The following TRAF3 variants were observed in gnomAD, a reference collection of about 807,000 sequenced individuals.
The protein encoded by TRAF3 is TNF receptor-associated factor 3.
TRAF3 carries 13 observed loss-of-function variants against 62.3 expected under a neutral mutation model. That is an observed-to-expected ratio of 0.21 (90% CI 0.14 to 0.33). TRAF3 has a LOEUF of 0.33. TRAF3 is among the 10% of genes least tolerant of loss of function. TRAF3 has a pLI of 1.00. For synonymous variants in TRAF3, 269 were observed against 283.4 expected, an observed-to-expected ratio of 0.95 and a Z score of 0.51; for missense variants, 440 against 741.8, an observed-to-expected ratio of 0.59 and a Z score of 4.73.
Position 102,877,937 on chromosome 14 carries a change from C to G in TRAF3, c.570+1412C>G, listed in dbSNP as rs560034376. ...GCTCAATTAATATATACTTCTTCCA[C>G]TGTACAGCTTCTTAAAGACTATTCT... On this transcript the variant is annotated intron_variant, in intron 6 of 11. Transcript: ENST00000392745. 2.6e-5 allele frequency among the ~76,000 whole-genome samples: 4 copies of G among 152,368 alleles called. No homozygotes were observed. The East Asian group carries it at 5.8e-4, about 22-fold the overall frequency.
chr14:102,897,525 T>C (rs1890065429), intron 10 of TRAF3, 124 bp downstream of exon 10: 2 of 1,297,858 alleles, frequency 1.5e-6, no homozygotes, highest in Non-Finnish European at 2.2e-6. Context: ...AGGCAACTGA[T>C]TTCTCTGGCC....
intron 2 of TRAF3, among the ~76,000 whole-genome samples, chr14:102,858,154 C>CTTTTTTTTT (rs59845933): frequency 6.9e-6 from 1 of 145,580 alleles, no homozygotes. Flanking sequence ...CTCTGTTCTT[C>CTTTTTTTTT]TTTTTTTTTT....
At chr14:102,817,788 A>C (rs1341815208) in intron 1 of TRAF3, among the ~76,000 whole-genome samples, 5 of 152,234 alleles carry the variant, frequency 3.3e-5, no homozygotes, top group South Asian at 2.1e-4. Context: ...TACTTTGGTG[A>C]AAAAGTTTGA....
intron 1 of TRAF3, among the ~76,000 whole-genome samples, chr14:102,784,475 G>C: frequency 6.6e-6 from 1 of 152,116 alleles, no homozygotes; most frequent in African/African-American, 2.4e-5. Context: ...TGCCCGCCTC[G>C]GCCTCCCAAA....
chr14:102,781,459 C>A (rs1199021582), intron 1 of TRAF3, among the ~76,000 whole-genome samples: 2 of 152,078 alleles, frequency 1.3e-5, no homozygotes, highest in Admixed American at 6.5e-5. Context: ...TTTTTCATTG[C>A]AGGTTGAAAG....
chr14:102,894,320 C>T lies in TRAF3; in HGVS notation c.819+2903C>T, dbSNP rs555274772. Among the ~76,000 whole-genome samples, 48 of 151,484 alleles carry T rather than the reference C, an allele frequency of 3.2e-4. 1 individual carries two copies. Among genetic ancestry groups the T allele is most frequent in the South Asian group, 1.5e-3 (7 of 4,808 alleles). On this transcript the variant is annotated intron_variant, in intron 9 of 11. Transcript: ENST00000392745. Reference sequence around the variant, plus strand: ...CCAGCCTGGGTGACAGAGTGAGACTCGTCTCCAAAAAAAAAGACTGATCCT... The same window carrying T: ...CCAGCCTGGGTGACAGAGTGAGACTTGTCTCCAAAAAAAAAGACTGATCCT...
Position 102,826,250 on chromosome 14 carries a change from C to T in TRAF3, c.-156-4084C>T, listed in dbSNP as rs1595335561. Among the ~76,000 whole-genome samples, 2 of 152,168 alleles carry T rather than the reference C, an allele frequency of 1.3e-5. No homozygotes were observed. The highest frequency in any genetic ancestry group is 3.9e-4 in the East Asian group (2 of 5,168). On this transcript the variant is annotated intron_variant, in intron 1 of 11. Transcript: ENST00000392745. The surrounding 1 kb of genome is among the most constrained non-coding windows in gnomAD (Gnocchi z 4.6). ...CTTGAACTGACTGTGCCTCAGCATC[C>T]TCGTCTGTCTGGTGGAGCCGCCTCA...
chr14:102,792,753 C>T (rs531154075), intron 1 of TRAF3, among the ~76,000 whole-genome samples: 1 of 151,974 alleles, frequency 6.6e-6, no homozygotes, highest in Non-Finnish European at 1.5e-5. Flanking sequence ...GGTATATAAT[C>T]CTTTTAATGT....
intron 2 of TRAF3, among the ~76,000 whole-genome samples, chr14:102,837,011 T>C (rs1009439983): frequency 2.6e-5 from 4 of 152,198 alleles, no homozygotes; most frequent in Non-Finnish European, 5.9e-5. Context: ...CTCCCCTTGC[T>C]CTTTCCTCCT....
intron 2 of TRAF3, among the ~76,000 whole-genome samples, chr14:102,843,483 G>A (rs748019427): frequency 1.8e-4 from 27 of 151,972 alleles, no homozygotes; most frequent in African/African-American, 5.5e-4. Context: ...GACTATAAGC[G>A]TGTGCCACCA....
intron 10 of TRAF3, 118 bp downstream of exon 10, chr14:102,897,519 A>C (rs1355512205): frequency 5.2e-6 from 7 of 1,343,942 alleles, no homozygotes; most frequent in Non-Finnish European, 7.2e-6. Flanking sequence ...GCAGAAAGGC[A>C]ACTGATTTCT....
chr14:102,884,795 G>C (rs1889277282), intron 6 of TRAF3, among the ~76,000 whole-genome samples: 2 of 151,504 alleles, frequency 1.3e-5, no homozygotes, highest in African/African-American at 4.9e-5. Context: ...TTGGGCGACA[G>C]AGTGAGACTC....
intron 9 of TRAF3, among the ~76,000 whole-genome samples, chr14:102,897,018 G>A (rs1890041356): frequency 6.6e-6 from 1 of 152,142 alleles, no homozygotes; most frequent in South Asian, 2.1e-4. Flanking sequence ...AGGCTGCAGT[G>A]AGCTATGATT....
At chr14:102,862,401 CAAAAA>C (rs34141177) in intron 2 of TRAF3, among the ~76,000 whole-genome samples, 230 of 107,908 alleles carry the variant, frequency 2.1e-3, no homozygotes, top group African/African-American at 6.6e-3. Context: ...ATCCCTTCTC[CAAAAA>C]AAAAAAAAAA....
At position 102,905,692 on chromosome 14, in the gene TRAF3, G is replaced by T. The variant is rs750554085; in HGVS notation, c.1615G>T (p.Ala539Ser). The change falls in exon 12 of 12, where the codon GCC becomes TCC. Residue 539 changes from alanine to serine, a missense_variant. Transcript: ENST00000392745. ...NIASGCPVFVAQTVLENGTYI... is the reference protein window; with the variant it reads ...NIASGCPVFVSQTVLENGTYI... ...CGCCTCTGGCTGCCCAGTCTTTGTGGCCCAAACTGTTCTAGAAAATGGGAC... is the reference window on the plus strand; with the variant it reads ...CGCCTCTGGCTGCCCAGTCTTTGTGTCCCAAACTGTTCTAGAAAATGGGAC... 6.2e-7 allele frequency: 1 copy of T among 1,612,642 alleles called. No individual in the cohort carries two copies. The highest frequency in any genetic ancestry group is 1.1e-5 in the South Asian group (1 of 91,062).
intron 1 of TRAF3, among the ~76,000 whole-genome samples, chr14:102,827,597 AG>A (rs1481311400): frequency 4.6e-5 from 7 of 152,232 alleles, no homozygotes; most frequent in African/African-American, 1.7e-4. Context: ...GTTGGTACTC[AG>A]AAAGTTTCGG....
chr14:102,854,087 G>A (rs1887217229), intron 2 of TRAF3, among the ~76,000 whole-genome samples: 1 of 151,794 alleles, frequency 6.6e-6, no homozygotes. Flanking sequence ...ATGTTTTCAG[G>A]GTCCATCCAT....
At chr14:102,828,008 A>G (rs531374518) in intron 1 of TRAF3, among the ~76,000 whole-genome samples, 3 of 152,340 alleles carry the variant, frequency 2.0e-5, no homozygotes, top group South Asian at 4.1e-4. Flanking sequence ...GGCGTACCTG[A>G]GCCCGGAGAG....
intron 10 of TRAF3, among the ~76,000 whole-genome samples, chr14:102,900,188 A>AAAAG (rs1404855305): frequency 1.4e-5 from 2 of 142,380 alleles, no homozygotes; most frequent in Admixed American, 7.1e-5. Flanking sequence ...CGGAAAAAAA[A>AAAAG]AAAAAAAAAA....
Sources: allele counts gnomAD v4.1 joint callset (sites outside exome capture counted in the v4.1 genomes callset), GRCh38; gene constraint gnomAD v4.1.1; non-coding constraint Gnocchi (gnomAD v3.1); transcripts MANE v1.5; gene names NCBI Gene and HGNC (gene_info 2026-07-23, HGNC 2026-07-21).